The following AGBL4 variants were observed in gnomAD, a reference collection of about 807,000 sequenced individuals.
The protein encoded by AGBL4 is AGBL carboxypeptidase 4.
In AGBL4, 58 loss-of-function variants were observed where a neutral mutation model predicts 66.4. That is an observed-to-expected ratio of 0.87 (90% CI 0.71 to 1.09). The LOEUF is 1.09. AGBL4 is among the 50% of genes least tolerant of loss of function. The pLI is 0.00. For missense variants in AGBL4, 579 were observed against 631.0 expected (o/e 0.92, Z 0.88); for synonymous variants, 234 against 222.9 (o/e 1.05, Z -0.44).
chr1:48,910,735 T>G (rs964860707), intron 5 of AGBL4, among the ~76,000 whole-genome samples: 2 of 152,130 alleles, frequency 1.3e-5, no homozygotes, highest in Non-Finnish European at 2.9e-5. Context: ...GGAAAGACAT[T>G]CAGGGTAGAA....
chr1:50,023,037 T>C (rs1469578761), intron 1 of AGBL4, among the ~76,000 whole-genome samples: 2 of 152,054 alleles, frequency 1.3e-5, no homozygotes, highest in Non-Finnish European at 2.9e-5. Flanking sequence ...CCCACAGAAG[T>C]GTGGACATGC....
intron 5 of AGBL4, among the ~76,000 whole-genome samples, chr1:48,877,011 G>A (rs1272415992): frequency 6.6e-6 from 1 of 152,154 alleles, no homozygotes; most frequent in Non-Finnish European, 1.5e-5. Context: ...GTCAGAGCAA[G>A]GGTCTTTGGA....
intron 12 of AGBL4, among the ~76,000 whole-genome samples, chr1:48,539,197 C>T (rs1462125909): frequency 6.6e-6 from 1 of 152,214 alleles, no homozygotes; most frequent in Non-Finnish European, 1.5e-5. Flanking sequence ...ACTGACAGCA[C>T]TGTGCTGGGT....
chr1:49,684,085 C>T (rs781187513), intron 3 of AGBL4, among the ~76,000 whole-genome samples: 1 of 152,122 alleles, frequency 6.6e-6, no homozygotes, highest in Non-Finnish European at 1.5e-5. Flanking sequence ...TAATAAGAGC[C>T]TCTGACAGTT....
At chr1:48,847,067 G>A (rs1225673307) in intron 6 of AGBL4, among the ~76,000 whole-genome samples, 8 of 152,184 alleles carry the variant, frequency 5.3e-5, no homozygotes, top group East Asian at 1.9e-4. Context: ...TCGGGAGGCC[G>A]AGGGGGGTGG....
At chr1:48,753,491 C>T (rs1652069875) in intron 6 of AGBL4, among the ~76,000 whole-genome samples, 1 of 152,176 alleles carries the variant, frequency 6.6e-6, no homozygotes, top group Non-Finnish European at 1.5e-5. Context: ...CCAGTTCAGA[C>T]TGCAAAGGAT....
At chr1:49,328,103 A>T (rs1178425374) in intron 3 of AGBL4, among the ~76,000 whole-genome samples, 2 of 152,206 alleles carry the variant, frequency 1.3e-5, no homozygotes, top group African/African-American at 4.8e-5. Flanking sequence ...TGGAGAGAGA[A>T]ATAAGCCCAC....
intron 3 of AGBL4, among the ~76,000 whole-genome samples, chr1:49,518,342 A>G (rs1278156149): frequency 6.6e-6 from 1 of 152,064 alleles, no homozygotes; most frequent in African/African-American, 2.4e-5. Context: ...CTGTGACTCT[A>G]TGACACCAAA....
chr1:49,564,438 G>C (rs1366795276), intron 3 of AGBL4, among the ~76,000 whole-genome samples: 1 of 151,920 alleles, frequency 6.6e-6, no homozygotes, highest in Non-Finnish European at 1.5e-5. Flanking sequence ...TCTCTTGTAG[G>C]CATTTAGTGC....
intron 1 of AGBL4, among the ~76,000 whole-genome samples, chr1:49,875,531 C>T (rs1646974347): frequency 6.8e-6 from 1 of 146,936 alleles, no homozygotes; most frequent in South Asian, 2.2e-4. Flanking sequence ...GTATATGTGC[C>T]ACATTTTCTT....
chr1:48,658,142 C>T (rs1032564244), intron 7 of AGBL4, among the ~76,000 whole-genome samples: 4 of 152,194 alleles, frequency 2.6e-5, no homozygotes, highest in African/African-American at 4.8e-5. Flanking sequence ...GGTGTGGCAT[C>T]GCTTGCTGAG....
intron 3 of AGBL4, among the ~76,000 whole-genome samples, chr1:49,658,941 T>C (rs556676474): frequency 3.3e-5 from 5 of 152,034 alleles, no homozygotes; most frequent in East Asian, 3.9e-4. Flanking sequence ...CACACCAACA[T>C]GGCACATGTA....
At chr1:48,751,781 T>C (rs1207811145) in intron 6 of AGBL4, among the ~76,000 whole-genome samples, 1 of 152,144 alleles carries the variant, frequency 6.6e-6, no homozygotes, top group East Asian at 1.9e-4. Flanking sequence ...AGGCAGTTGT[T>C]AGAAAAGGGA....
At chr1:49,748,811 A>C (rs1651210613) in intron 2 of AGBL4, among the ~76,000 whole-genome samples, 2 of 152,252 alleles carry the variant, frequency 1.3e-5, no homozygotes, top group South Asian at 4.2e-4. Flanking sequence ...TCTTCTTTTG[A>C]GAAGTGTCCG....
At chr1:49,769,547 T>C (rs1020707959) in intron 2 of AGBL4, among the ~76,000 whole-genome samples, 1 of 152,090 alleles carries the variant, frequency 6.6e-6, no homozygotes. Flanking sequence ...GGGCAGAACA[T>C]TACCTGACTT....
chr1:49,851,280 T>A, intron 2 of AGBL4, 116 bp downstream of exon 2: 1 of 1,176,342 alleles, frequency 8.5e-7, no homozygotes, highest in African/African-American at 1.6e-5. Flanking sequence ...ACTTGTCCCA[T>A]TATTGTGAAA....
chr1:48,652,674 A>G (rs1485574141), intron 8 of AGBL4, among the ~76,000 whole-genome samples: 1 of 152,232 alleles, frequency 6.6e-6, no homozygotes, highest in Non-Finnish European at 1.5e-5. Flanking sequence ...ATGTGAAATA[A>G]GGGCAATAAC....
intron 6 of AGBL4, among the ~76,000 whole-genome samples, chr1:48,703,632 C>T (rs1379483193): frequency 1.3e-5 from 2 of 151,792 alleles, no homozygotes; most frequent in African/African-American, 4.8e-5. Flanking sequence ...TAATAATAAC[C>T]AAAAAGACAT....
rs549362615 is a variant in AGBL4, at chr1:48,894,415, A to G, written c.595-27185T>C. ...TTGGAATCCACATCTATTTGATTCT[A>G]AAACATCTCTTATACCATACCTTCT... is the stretch of plus-strand genomic sequence containing the variant. On this transcript the variant is annotated intron_variant, in intron 5 of 13. Coordinates refer to ENST00000371839, the MANE Select transcript of AGBL4 (RefSeq NM_032785.4). 5.9e-5 allele frequency among the ~76,000 whole-genome samples: 9 copies of G among 152,364 alleles called. No individual in the cohort carries two copies. The South Asian group carries it at 1.2e-3, about 21-fold the overall frequency.
Sources: allele counts gnomAD v4.1 joint callset (sites outside exome capture counted in the v4.1 genomes callset), GRCh38; gene constraint gnomAD v4.1.1; transcripts MANE v1.5; gene names NCBI Gene and HGNC (gene_info 2026-07-23, HGNC 2026-07-21).